LYN: variants seen among roughly 807,000 people sequenced by gnomAD.
The protein encoded by LYN is LYN proto-oncogene, Src family tyrosine kinase, also known as tyrosine-protein kinase Lyn.
Under a neutral mutation model 65.0 loss-of-function variants are expected in LYN, and 12 were observed. The ratio of observed to expected loss-of-function variants is 0.18; its 90% CI spans 0.12 to 0.30. LYN has a LOEUF of 0.30. Ranked by LOEUF, LYN falls within the 10% of genes least tolerant of loss-of-function variation. LYN has a pLI of 1.00. For synonymous variants in LYN, 222 were observed against 221.2 expected (o/e 1.00, Z -0.03); for missense variants, 380 against 623.2 (o/e 0.61, Z 4.16).
At chr8:55,951,542 G>A (rs992135829) in intron 6 of LYN, among the ~76,000 whole-genome samples, 9 of 152,044 alleles carry the variant, frequency 5.9e-5, no homozygotes, top group East Asian at 3.9e-4. Flanking sequence ...GTGCATGATC[G>A]TAGTCTCAGC....
At chr8:56,001,886 A>G (rs1443272595) in intron 12 of LYN, among the ~76,000 whole-genome samples, 1 of 152,128 alleles carries the variant, frequency 6.6e-6, no homozygotes, top group African/African-American at 2.4e-5. Flanking sequence ...GCTGGTGGCA[A>G]AGCTGCTCTG....
intron 10 of LYN, among the ~76,000 whole-genome samples, chr8:55,982,306 T>G (rs990951181): frequency 6.6e-6 from 1 of 152,188 alleles, no homozygotes; most frequent in East Asian, 1.9e-4. Flanking sequence ...GATTTGGTTT[T>G]GTTTTTTTTT....
chr8:55,882,016 T>C (rs1274991998), intron 1 of LYN, among the ~76,000 whole-genome samples: 1 of 152,180 alleles, frequency 6.6e-6, no homozygotes, highest in Non-Finnish European at 1.5e-5. Context: ...ACTGGCCCTT[T>C]CTGTTGTGGT....
At chr8:55,898,914 T>C (rs936697150) in intron 1 of LYN, among the ~76,000 whole-genome samples, 1 of 152,188 alleles carries the variant, frequency 6.6e-6, no homozygotes, top group African/African-American at 2.4e-5. Flanking sequence ...GCCTCTGATC[T>C]TCTGGGCTCA....
At chr8:55,946,850 T>G (rs1486603659) in intron 3 of LYN, among the ~76,000 whole-genome samples, 1 of 152,252 alleles carries the variant, frequency 6.6e-6, no homozygotes, top group African/African-American at 2.4e-5. Context: ...ATTGTCCTTT[T>G]GTGTTTGGAT....
Position 55,979,037 on chromosome 8 carries a change from T to G in LYN, c.1050+9244T>G, listed in dbSNP as rs1480966225. Among the ~76,000 whole-genome samples the G allele has an allele frequency of 1.3e-5, 2 of 149,490 alleles. 1 individual carries two copies. The highest frequency in any genetic ancestry group is 3.0e-5 in the Non-Finnish European group (2 of 67,666). On this transcript the variant is annotated intron_variant, in intron 10 of 12. Coordinates refer to ENST00000519728, the MANE Select transcript of LYN (RefSeq NM_002350.4). ...TTTTCTCTGTACTTAAATGAAACCA[T>G]GCACTTCTCATTCTTTTTTTTTTTT...
At chr8:55,886,471 C>T (rs1804798695) in intron 1 of LYN, among the ~76,000 whole-genome samples, 1 of 152,176 alleles carries the variant, frequency 6.6e-6, no homozygotes, top group South Asian at 2.1e-4. Flanking sequence ...TGGTCTCGAA[C>T]ACCTGACCTC....
intron 8 of LYN, among the ~76,000 whole-genome samples, chr8:55,964,662 T>A (rs1185125217): frequency 2.7e-5 from 4 of 150,590 alleles, no homozygotes; most frequent in African/African-American, 9.8e-5. Context: ...AGGTCAGGAG[T>A]TCAAGACCAG....
At chr8:55,981,971 C>T (rs1055482902) in intron 10 of LYN, among the ~76,000 whole-genome samples, 7 of 152,262 alleles carry the variant, frequency 4.6e-5, no homozygotes, top group Middle Eastern at 3.4e-3. Context: ...GGGAAAAAAC[C>T]CCACAACTGA....
At chr8:55,989,183 G>A (rs550892829) in intron 10 of LYN, among the ~76,000 whole-genome samples, 141 of 152,234 alleles carry the variant, frequency 9.3e-4, no homozygotes, top group Middle Eastern at 3.2e-3. Flanking sequence ...CGGTTTCACC[G>A]TGTGGGATGC....
intron 1 of LYN, among the ~76,000 whole-genome samples, chr8:55,907,730 G>A (rs1382670081): frequency 6.6e-6 from 1 of 152,110 alleles, no homozygotes; most frequent in African/African-American, 2.4e-5. Context: ...ACAGGACGTG[G>A]TGGTGCACGC....
chr8:55,962,801 G>T (rs1437040515), intron 8 of LYN, among the ~76,000 whole-genome samples: 3 of 152,164 alleles, frequency 2.0e-5, no homozygotes, highest in African/African-American at 7.2e-5. Flanking sequence ...TTGCTTTACG[G>T]TTCTTCAGAT....
intron 12 of LYN, among the ~76,000 whole-genome samples, chr8:56,003,055 G>GTTTT (rs1158928613): frequency 2.0e-5 from 3 of 147,390 alleles, no homozygotes; most frequent in African/African-American, 5.0e-5. Context: ...CTATGTTTTT[G>GTTTT]TTTTTTGTTT....
chr8:55,911,802 G>A (rs1805647182), intron 1 of LYN, among the ~76,000 whole-genome samples: 1 of 152,090 alleles, frequency 6.6e-6, no homozygotes, highest in Non-Finnish European at 1.5e-5. Flanking sequence ...AGAAACAGAG[G>A]AATCAAGGGC....
intron 1 of LYN, among the ~76,000 whole-genome samples, chr8:55,910,012 AGTT>A (rs912965215): frequency 3.0e-5 from 3 of 99,930 alleles, no homozygotes; most frequent in Non-Finnish European, 6.2e-5. Context: ...TTTTTTTTTG[AGTT>A]GTTTGAGTTT....
chr8:55,947,200 G>A (rs1806805244), intron 3 of LYN, among the ~76,000 whole-genome samples: 1 of 152,242 alleles, frequency 6.6e-6, no homozygotes, highest in African/African-American at 2.4e-5. Context: ...AGTGAGCCGA[G>A]ATTGCACTAT....
chr8:55,997,657 G>C (rs1042875994), intron 10 of LYN, among the ~76,000 whole-genome samples: 1 of 152,194 alleles, frequency 6.6e-6, no homozygotes, highest in Admixed American at 6.5e-5. Context: ...TTTGGGGTAG[G>C]GGGCGGGGAA....
At chr8:55,939,044 C>G (rs1422325284) in intron 1 of LYN, among the ~76,000 whole-genome samples, 1 of 152,194 alleles carries the variant, frequency 6.6e-6, no homozygotes, top group African/African-American at 2.4e-5. Context: ...TAGCTCATAT[C>G]ACTTGGAACA....
chr8:55,954,974 G>T (rs1355351862), intron 8 of LYN: 1 of 152,218 alleles, frequency 6.6e-6, no homozygotes, highest in Non-Finnish European at 1.5e-5. Context: ...GGAATGTGCG[G>T]TTATTTCTGG....
Sources: allele counts gnomAD v4.1 joint callset (sites outside exome capture counted in the v4.1 genomes callset), GRCh38; gene constraint gnomAD v4.1.1; transcripts MANE v1.5; gene names NCBI Gene and HGNC (gene_info 2026-07-23, HGNC 2026-07-21).